The following KCNC1 variants were observed in gnomAD, a reference collection of about 807,000 sequenced individuals.
KCNC1 encodes potassium voltage-gated channel subfamily C member 1.
A neutral mutation model predicts 43.4 loss-of-function variants in KCNC1; 8 were observed. That is an observed-to-expected ratio of 0.18 (90% CI 0.11 to 0.33). KCNC1 has a LOEUF of 0.33. Among genes scored for constraint, KCNC1 ranks in the 10% least tolerant of loss-of-function variants. The pLI is 1.00. For missense variants in KCNC1, 420 were observed against 836.0 expected (o/e 0.50, Z 6.14); for synonymous variants, 361 against 360.5 (o/e 1.00, Z -0.01).
At chr11:17,759,389 C>G (rs1187865579) in intron 1 of KCNC1, among the ~76,000 whole-genome samples, 1 of 152,206 alleles carries the variant, frequency 6.6e-6, no homozygotes, top group Non-Finnish European at 1.5e-5. Context: ...GCTTTCTTAT[C>G]ACTCATGTGT....
intron 1 of KCNC1, among the ~76,000 whole-genome samples, chr11:17,741,921 G>T (rs921553788): frequency 6.6e-6 from 1 of 152,220 alleles, no homozygotes; most frequent in African/African-American, 2.4e-5. Flanking sequence ...GCCTTCCCGG[G>T]CCCCTAGGCT....
intron 1 of KCNC1, among the ~76,000 whole-genome samples, chr11:17,747,249 A>G (rs1848910905): frequency 6.6e-6 from 1 of 152,128 alleles, no homozygotes; most frequent in African/African-American, 2.4e-5. Context: ...TGGGCAGGTC[A>G]CAACCCCTGT....
Position 17,779,404 on chromosome 11 carries a change from C to A in KCNC1, c.1505-52C>A. ...CGCTTCTGGCCTGTCCCCCCCTGCC[C>A]CCCACTAAACAGTTTTCAGTGTCTC... On this transcript the variant is annotated intron_variant, in intron 2 of 3. Coordinates refer to ENST00000265969, the MANE Select transcript of KCNC1 (RefSeq NM_001112741.2). This position sits in a 1 kb window ranked among gnomAD's most constrained non-coding sequence, Gnocchi z 7.2. The A allele has an allele frequency of 7.2e-7, 1 of 1,386,948 alleles. No homozygotes were observed. The highest frequency in any genetic ancestry group is 9.5e-7 in the Non-Finnish European group (1 of 1,057,256). 85.9% of individuals were successfully genotyped at this position (1,386,948 alleles called of 1,614,324 possible). A position where few individuals can be genotyped will look rare whatever the true frequency, so the allele number is the denominator to read the frequency against.
At position 17,772,399 on chromosome 11, in the gene KCNC1, C is replaced by T. The variant is rs908674741; in HGVS notation, c.1305C>T (p.Ile435=). ...CCATCGCCATGCCCGTGCCCGTCAT[C>T]GTGAACAATTTCGGGATGTATTACT... The part of the protein sequence containing the change: ...VLTIAMPVPV[I]VNNFGMYYSL... Residue 435 remains isoleucine, a synonymous_variant, in exon 2 of 4, where the codon ATC becomes ATT. Coordinates refer to ENST00000265969, the MANE Select transcript of KCNC1 (RefSeq NM_001112741.2). The T allele has an allele frequency of 6.8e-6, 11 of 1,614,024 alleles. No homozygotes were observed. Among genetic ancestry groups the T allele is most frequent in the Admixed American group, 6.7e-5 (4 of 59,998 alleles).
intron 1 of KCNC1, among the ~76,000 whole-genome samples, chr11:17,746,274 C>A (rs967524562): frequency 1.3e-5 from 2 of 152,224 alleles, no homozygotes; most frequent in South Asian, 2.1e-4. Flanking sequence ...CTGGTGTCAC[C>A]ACCCAGGCCC....
chr11:17,779,758 G>A lies in KCNC1; in HGVS notation c.1693+114G>A. On this transcript the variant is annotated intron_variant, in intron 3 of 3. Coordinates refer to ENST00000265969, the MANE Select transcript of KCNC1 (RefSeq NM_001112741.2). The surrounding 1 kb of genome is among the most constrained non-coding windows in gnomAD (Gnocchi z 7.2). Reference sequence around the variant, plus strand: ...GAGGGGCAGGCAGGCACACCGAGGGGGGCAAGGATGGAGGGAATCTCCCAG... The same window carrying A: ...GAGGGGCAGGCAGGCACACCGAGGGAGGCAAGGATGGAGGGAATCTCCCAG... 1.2e-6 allele frequency: 1 copy of A among 829,956 alleles called. No individual in the cohort carries two copies. The highest frequency in any genetic ancestry group is 2.4e-5 in the South Asian group (1 of 41,892). The allele number at this position is 829,956 out of a possible 1,614,324, so 51.4% of individuals were successfully genotyped here. A position where few individuals can be genotyped will look rare whatever the true frequency, so the allele number is the denominator to read the frequency against.
intron 1 of KCNC1, among the ~76,000 whole-genome samples, chr11:17,757,503 G>T: frequency 6.6e-6 from 1 of 152,190 alleles, no homozygotes; most frequent in African/African-American, 2.4e-5. Flanking sequence ...TTCAAAGACG[G>T]AATGAATGGC....
chr11:17,780,356 G>C (rs1849331659), intron 3 of KCNC1: 1 of 152,570 alleles, frequency 6.6e-6, no homozygotes. Context: ...GGTGGCCCCT[G>C]CTCCAGGTCT....
chr11:17,758,723 A>T (rs1227955141), intron 1 of KCNC1, among the ~76,000 whole-genome samples: 1 of 152,148 alleles, frequency 6.6e-6, no homozygotes, highest in African/African-American at 2.4e-5. Context: ...GAAAGGAATC[A>T]TTTTTTCTGA....
At position 17,772,556 on chromosome 11, in the gene KCNC1, T is replaced by G. The variant is rs778472682; in HGVS notation, c.1462T>G (p.Cys488Gly). The G allele has an allele frequency of 6.2e-7, 1 of 1,613,942 alleles. No homozygotes were observed. Among genetic ancestry groups the G allele is most frequent in the South Asian group, 1.1e-5 (1 of 91,076 alleles). The change falls in exon 2 of 4, where the codon TGT becomes GGT. Residue 488 changes from cysteine (C) to glycine (G), a missense_variant. By Grantham distance (159) the Cys-to-Gly change is radical (BLOSUM62 -3). Around this residue, in one of 5 missense-constraint regions of KCNC1, gnomAD observed 147 missense variants for 176.1 expected, o/e 0.83. Transcript: ENST00000265969. ...ACACCACAGTACTCAGAGTGACACA[T>G]GTCCGCTGGCCCAGGAAGAAATTTT... Reference protein sequence around the residue: ...SPHHSTQSDTCPLAQEEILEI... With the variant: ...SPHHSTQSDTGPLAQEEILEI...
rs1272476897 is a variant in KCNC1 at position 17,781,579 on chromosome 11, C to T, written c.1694-91C>T. ...CTGCCTCTGCATGCGGCTGTTCTGT[C>T]TTTCCTCCTCCTTCTTAAAAACTAA... On this transcript the variant is annotated intron_variant, in intron 3 of 3. Transcript: ENST00000265969. The surrounding 1 kb of genome is among the most constrained non-coding windows in gnomAD (Gnocchi z 5.1). 2 of 934,750 alleles carry T rather than the reference C, an allele frequency of 2.1e-6. No homozygotes were observed. The highest frequency in any genetic ancestry group is 3.4e-6 in the Non-Finnish European group (2 of 595,378). 57.9% of individuals were successfully genotyped at this position (934,750 alleles called of 1,614,324 possible). A position where few individuals can be genotyped will look rare whatever the true frequency, so the allele number is the denominator to read the frequency against.
intron 1 of KCNC1, among the ~76,000 whole-genome samples, chr11:17,755,710 G>C (rs1257814918): frequency 6.6e-6 from 1 of 152,170 alleles, no homozygotes; most frequent in African/African-American, 2.4e-5. Flanking sequence ...GAGTTCAGTT[G>C]ACGTGTTGAG....
intron 2 of KCNC1, among the ~76,000 whole-genome samples, chr11:17,778,219 C>CT (rs948598860): frequency 1.3e-5 from 2 of 152,230 alleles, no homozygotes; most frequent in Non-Finnish European, 2.9e-5. Context: ...AGGGCTACCT[C>CT]TGTCAGCTCC....
intron 1 of KCNC1, among the ~76,000 whole-genome samples, chr11:17,766,715 C>A (rs554855108): frequency 1.3e-5 from 2 of 152,284 alleles, no homozygotes; most frequent in African/African-American, 4.8e-5. Context: ...GGGATAGGCA[C>A]AACCTGCTCT....
chr11:17,751,557 T>C (rs1848969021), intron 1 of KCNC1, among the ~76,000 whole-genome samples: 1 of 152,110 alleles, frequency 6.6e-6, no homozygotes, highest in African/African-American at 2.4e-5. Flanking sequence ...GCCCAGTACA[T>C]GTGTGCAGAA....
intron 2 of KCNC1, chr11:17,775,281 T>TGCCGACCC: frequency 1.1e-6 from 1 of 935,854 alleles, no homozygotes; most frequent in Non-Finnish European, 1.3e-6. Context: ...TCTGAGGGCA[T>TGCCGACCC]CCCTCCCGCC....
intron 1 of KCNC1, among the ~76,000 whole-genome samples, chr11:17,751,734 C>T (rs576346161): frequency 3.9e-5 from 6 of 152,314 alleles, no homozygotes; most frequent in African/African-American, 1.4e-4. Context: ...GTCATGTGGC[C>T]GGCAAGCCCT....
chr11:17,749,159 G>A (rs1034903269), intron 1 of KCNC1, among the ~76,000 whole-genome samples: 36 of 152,188 alleles, frequency 2.4e-4, no homozygotes, highest in Non-Finnish European at 4.3e-4. Flanking sequence ...ATCTTAGTAA[G>A]TCTCAGTCAC....
chr11:17,747,355 C>G (rs1045851225), intron 1 of KCNC1, among the ~76,000 whole-genome samples: 1 of 152,174 alleles, frequency 6.6e-6, no homozygotes, highest in African/African-American at 2.4e-5. Flanking sequence ...GATGATGGAA[C>G]GTCCGCCTGC....
Sources: gnomAD v4.1 joint callset for allele counts (sites outside exome capture counted in the v4.1 genomes callset) on GRCh38, gnomAD v4.1.1 for gene constraint, gnomAD v4.1.1 regional missense constraint, Gnocchi (gnomAD v3.1) non-coding constraint, MANE v1.5 for transcripts, NCBI Gene and HGNC (gene_info 2026-07-23, HGNC 2026-07-21) for gene names.